Variants in NPSR1 observed in about 807,000 individuals in gnomAD.
The protein encoded by NPSR1 is neuropeptide S receptor.
NPSR1 carries 48 observed loss-of-function variants against 46.9 expected under a neutral mutation model. The observed-to-expected ratio is 1.02, with a 90% CI of 0.81 to 1.30. The LOEUF (loss-of-function observed/expected upper bound fraction) is 1.30, where lower values mean the gene tolerates loss of function less well. Among genes scored for constraint, NPSR1 ranks in the 50% most tolerant of loss-of-function variants. The probability of loss-of-function intolerance (pLI) is 0.00; values close to 1 mark genes in which losing one functional copy is unlikely to be tolerated. For missense variants in NPSR1, 450 were observed against 449.5 expected (o/e 1.00, Z -0.01); for synonymous variants, 176 against 168.1 (o/e 1.05, Z -0.36).
chr7:34,811,448 G>T (rs370051460), intron 3 of NPSR1, among the ~76,000 whole-genome samples: 48 of 152,118 alleles, frequency 3.2e-4, no homozygotes, highest in African/African-American at 1.1e-3. Context: ...TGGGATTTGG[G>T]GTTTATATGG....
intron 2 of NPSR1, among the ~76,000 whole-genome samples, chr7:34,689,604 C>CAAAAAAAAAAAAAAA (rs869170591): frequency 1.3e-3 from 46 of 36,680 alleles, no homozygotes; most frequent in South Asian, 2.2e-3. Flanking sequence ...GACTCTGTCT[C>CAAAAAAAAAAAAAAA]AAAAAAAAAA....
chr7:34,802,870 G>GA lies in NPSR1; in HGVS notation c.385-8893dup, dbSNP rs1002086698. 9.3e-5 allele frequency among the ~76,000 whole-genome samples: 14 copies of GA among 150,060 alleles called. 3 individuals carry two copies. Among genetic ancestry groups the GA allele is most frequent in the African/African-American group, 3.0e-4 (12 of 39,646 alleles). ...ACAATGAACTCAAACAAATTTACAA[G>GA]AAAAAAACAAACAACCCCATCAAAA... On this transcript the variant is annotated intron_variant, in intron 3 of 8. Coordinates refer to ENST00000360581, the MANE Select transcript of NPSR1 (RefSeq NM_207172.2).
At chr7:34,831,563 T>C (rs1246476885) in intron 5 of NPSR1, among the ~76,000 whole-genome samples, 2 of 152,140 alleles carry the variant, frequency 1.3e-5, no homozygotes, top group Admixed American at 6.5e-5. Context: ...TGAATAAAGA[T>C]GTAGCTGTTC....
At chr7:34,821,126 A>G (rs1410942132) in intron 4 of NPSR1, among the ~76,000 whole-genome samples, 2 of 123,296 alleles carry the variant, frequency 1.6e-5, no homozygotes, top group Non-Finnish European at 3.5e-5. Context: ...TTTGTGATAC[A>G]CTTTTTTTTT....
chr7:34,672,378 C>T (rs118014634), intron 1 of NPSR1, among the ~76,000 whole-genome samples: 2,102 of 152,252 alleles, frequency 0.014, 24 homozygotes, highest in Middle Eastern at 0.034. Context: ...AAGAGATTCA[C>T]GTTAAAATGA....
intron 3 of NPSR1, among the ~76,000 whole-genome samples, chr7:34,794,534 A>T (rs1468078038): frequency 6.6e-6 from 1 of 152,166 alleles, no homozygotes; most frequent in Non-Finnish European, 1.5e-5. Context: ...TATTAAAGGA[A>T]TTAATTATTG....
chr7:34,792,695 ATATACGTATATATATATATT>A (rs1562733296), intron 3 of NPSR1, among the ~76,000 whole-genome samples: 2 of 120,148 alleles, frequency 1.7e-5, no homozygotes, highest in African/African-American at 6.3e-5. Flanking sequence ...ATATGTATAT[ATATACGTATATATATATATT>A]TATATATATA....
chr7:34,690,808 GA>G (rs1213753657), intron 2 of NPSR1, among the ~76,000 whole-genome samples: 42 of 152,176 alleles, frequency 2.8e-4, no homozygotes, highest in Admixed American at 2.6e-4. Flanking sequence ...CCTATTTGAG[GA>G]AATAATTCAG....
chr7:34,870,371 A>G (rs772667013), intron 8 of NPSR1, among the ~76,000 whole-genome samples: 3,692 of 129,788 alleles, frequency 0.028, no homozygotes, highest in Admixed American at 0.074. Context: ...TGGAGCCAGG[A>G]AAAAATATGT....
At chr7:34,747,619 CACAT>C (rs1785275701) in intron 2 of NPSR1, among the ~76,000 whole-genome samples, 1 of 110,460 alleles carries the variant, frequency 9.1e-6, no homozygotes, top group East Asian at 2.4e-4. Context: ...GACACACACA[CACAT>C]ACACACACAC....
At chr7:34,779,498 C>T (rs1370059278) in intron 3 of NPSR1, 3 of 784,592 alleles carry the variant, frequency 3.8e-6, no homozygotes, top group East Asian at 6.8e-5. Flanking sequence ...TATATATATT[C>T]ATAAGTAAAA....
At chr7:34,706,107 A>G (rs1794093222) in intron 2 of NPSR1, among the ~76,000 whole-genome samples, 2 of 152,088 alleles carry the variant, frequency 1.3e-5, no homozygotes, top group Admixed American at 1.3e-4. Context: ...GTGTTACCAA[A>G]AAAAAATCTA....
chr7:34,747,838 C>A (rs1353476440), intron 2 of NPSR1, among the ~76,000 whole-genome samples: 1 of 152,136 alleles, frequency 6.6e-6, no homozygotes, highest in Non-Finnish European at 1.5e-5. Flanking sequence ...CAACTACAAA[C>A]AAATATATAA....
intron 5 of NPSR1, among the ~76,000 whole-genome samples, chr7:34,833,355 C>A (rs1269455321): frequency 6.6e-6 from 1 of 152,088 alleles, no homozygotes; most frequent in Non-Finnish European, 1.5e-5. Context: ...CTTTTGAATC[C>A]TTAACACTTT....
intron 8 of NPSR1, among the ~76,000 whole-genome samples, chr7:34,862,884 C>A (rs1791221251): frequency 6.6e-6 from 1 of 151,688 alleles, no homozygotes; most frequent in Admixed American, 6.6e-5. Context: ...ATTATATGGT[C>A]ACTGTAAATA....
At chr7:34,695,874 C>T (rs917224163) in intron 2 of NPSR1, among the ~76,000 whole-genome samples, 2 of 151,968 alleles carry the variant, frequency 1.3e-5, no homozygotes, top group African/African-American at 4.8e-5. Flanking sequence ...TTAGTTCAAC[C>T]ACTATAGAAA....
intron 1 of NPSR1, among the ~76,000 whole-genome samples, chr7:34,678,790 C>A (rs1792464077): frequency 6.8e-6 from 1 of 146,542 alleles, no homozygotes; most frequent in Non-Finnish European, 1.5e-5. Flanking sequence ...TGCGCCACTG[C>A]ACTCCAGCCT....
chr7:34,707,967 A>C (rs967408770), intron 2 of NPSR1, among the ~76,000 whole-genome samples: 1 of 151,942 alleles, frequency 6.6e-6, no homozygotes, highest in East Asian at 1.9e-4. Flanking sequence ...TTTTTTTCAC[A>C]TGGCTTTTTT....
At chr7:34,667,194 C>G (rs967607608) in intron 1 of NPSR1, among the ~76,000 whole-genome samples, 1 of 152,208 alleles carries the variant, frequency 6.6e-6, no homozygotes, top group African/African-American at 2.4e-5. Flanking sequence ...CTGGACCTGG[C>G]AGGCAGGTGT....
Sources: gnomAD v4.1 joint callset for allele counts (sites outside exome capture counted in the v4.1 genomes callset) on GRCh38, gnomAD v4.1.1 for gene constraint, MANE v1.5 for transcripts, NCBI Gene and HGNC (gene_info 2026-07-23, HGNC 2026-07-21) for gene names.